Variants in SNX1 observed in about 807,000 individuals in gnomAD.
SNX1 encodes the protein sorting nexin 1.
A neutral mutation model predicts 71.8 loss-of-function variants in SNX1; 36 were observed. The observed-to-expected ratio is 0.50, with a 90% CI of 0.38 to 0.66. The LOEUF (loss-of-function observed/expected upper bound fraction) is 0.66. SNX1 is among the 30% of genes least tolerant of loss of function. The pLI is 0.00. For synonymous variants in SNX1, 254 were observed against 240.7 expected, an observed-to-expected ratio of 1.06 and a Z score of -0.51; for missense variants, 612 against 646.7, an observed-to-expected ratio of 0.95 and a Z score of 0.58.
chr15:64,131,020 C>G (rs2081301226), intron 10 of SNX1, among the ~76,000 whole-genome samples: 1 of 152,192 alleles, frequency 6.6e-6, no homozygotes, highest in Non-Finnish European at 1.5e-5. Flanking sequence ...CGCGGTGGCT[C>G]ACGCCTGTAA....
At chr15:64,135,665 A>G (rs558964251) in intron 12 of SNX1, among the ~76,000 whole-genome samples, 13 of 151,334 alleles carry the variant, frequency 8.6e-5, no homozygotes, top group Non-Finnish European at 1.5e-4. Context: ...AGGCTGAGGC[A>G]GGAGAATCGC....
At chr15:64,120,296 G>A (rs71394541) in intron 4 of SNX1, among the ~76,000 whole-genome samples, 5,779 of 136,166 alleles carry the variant, frequency 0.042, 128 homozygotes, top group Non-Finnish European at 0.053. Context: ...TTTTGAGACG[G>A]GGTCTCACTC....
chr15:64,138,504 G>A lies in SNX1; in HGVS notation c.*886G>A, dbSNP rs1350590594. ...CATCCTCAGTAGACTGTGTGAAGGT[G>A]TGAAGGTCTGATAATGACTTGATGC... On this transcript the variant is annotated 3_prime_UTR_variant, in exon 15 of 15. Coordinates refer to ENST00000559844, the MANE Select transcript of SNX1 (RefSeq NM_003099.5). The A allele has an allele frequency of 4.1e-6, 1 of 246,542 alleles. No homozygotes were observed. The highest frequency in any genetic ancestry group is 7.8e-6 in the Non-Finnish European group (1 of 128,880). The allele number at this position is 246,542 out of a possible 1,614,324, so 15.3% of individuals were successfully genotyped here.
chr15:64,130,389 G>A (rs966141684), intron 10 of SNX1, 68 bp downstream of exon 10: 20 of 1,260,290 alleles, frequency 1.6e-5, no homozygotes, highest in South Asian at 4.8e-5. Context: ...GAGATGCGAG[G>A]GCATGCTGTT....
At chr15:64,108,447 A>C (rs2081044728) in intron 1 of SNX1, among the ~76,000 whole-genome samples, 3 of 152,190 alleles carry the variant, frequency 2.0e-5, no homozygotes, top group Non-Finnish European at 4.4e-5. Context: ...ACGTGCTATT[A>C]TTATGGACTC....
At chr15:64,109,240 G>T (rs1454580607) in intron 1 of SNX1, among the ~76,000 whole-genome samples, 5 of 151,862 alleles carry the variant, frequency 3.3e-5, no homozygotes, top group African/African-American at 1.2e-4. Context: ...GGGTGTGGTG[G>T]CACGCGCCTG....
In SNX1 at chr15:64,131,782, G is replaced by A. The variant is rs1261712905; in HGVS notation, c.1111G>A (p.Ala371Thr). The A allele has an allele frequency of 1.2e-6, 2 of 1,614,088 alleles. No individual in the cohort carries two copies. Among genetic ancestry groups the A allele is most frequent in the African/African-American group, 1.3e-5 (1 of 74,926 alleles). Residue 371 changes from alanine (A) to threonine (T), a missense_variant, in exon 11 of 15, where the codon GCT (alanine) becomes ACT (threonine). By Grantham distance (58) the Ala-to-Thr change is moderately conservative (BLOSUM62 0). Coordinates refer to ENST00000559844, the MANE Select transcript of SNX1 (RefSeq NM_003099.5). ...TALSRALSQL[A>T]EVEEKIEQLH... Reference sequence around the variant, plus strand: ...ATTGTCACGGGCACTCTCCCAGCTGGCTGAGGTGGAAGAAAAAATTGAGCA... The same window carrying A: ...ATTGTCACGGGCACTCTCCCAGCTGACTGAGGTGGAAGAAAAAATTGAGCA...
chr15:64,096,254 G>A (rs1254400072), intron 1 of SNX1, 82 bp downstream of exon 1: 3 of 1,478,118 alleles, frequency 2.0e-6, no homozygotes, highest in South Asian at 2.5e-5. Flanking sequence ...GGGAGGTTGG[G>A]CAGAGTGGGC....
At chr15:64,137,008 C>A (rs1406902313) in intron 14 of SNX1, 76 bp downstream of exon 14, 10 of 1,163,712 alleles carry the variant, frequency 8.6e-6, no homozygotes, top group Non-Finnish European at 1.3e-5. Context: ...GCTTCTGCAA[C>A]AAGATGTGCA....
Position 64,108,053 on chromosome 15 carries a change from C to T in SNX1, c.160-4520C>T, listed in dbSNP as rs139482380. Among the ~76,000 whole-genome samples the T allele has an allele frequency of 4.1e-3, 625 of 151,938 alleles. 2 individuals are homozygous for T. The highest frequency in any genetic ancestry group is 0.015 in the African/African-American group (616 of 41,436). On this transcript the variant is annotated intron_variant, in intron 1 of 14. Transcript: ENST00000559844. ...CTAAAAATACAAAAAATTAGCCCGG[C>T]GTAGTGGTGGGCGCCTGTAGTCCCA...
At position 64,129,336 on chromosome 15, in the gene SNX1, T is replaced by A. The variant is rs1034665062; in HGVS notation, c.808-580T>A. 1.3e-5 allele frequency among the ~76,000 whole-genome samples: 2 copies of A among 152,218 alleles called. No individual in the cohort carries two copies. The highest frequency in any genetic ancestry group is 4.8e-5 in the African/African-American group (2 of 41,460). On this transcript the variant is annotated intron_variant, in intron 8 of 14. Transcript: ENST00000559844. The surrounding 1 kb of genome is among the most constrained non-coding windows in gnomAD (Gnocchi z 4.4). ...GTGTGCTGTATATGCTATAGATTTT[T>A]CAGCGTCCTTTCCATGCCCTAGGAG...
At chr15:64,124,258 G>A (rs982983203) in intron 5 of SNX1, among the ~76,000 whole-genome samples, 4 of 149,526 alleles carry the variant, frequency 2.7e-5, no homozygotes, top group South Asian at 2.2e-4. Flanking sequence ...TGTAATTCCA[G>A]CACTTTGGGA....
chr15:64,100,604 C>CAAAAAAA (rs34663775), intron 1 of SNX1, among the ~76,000 whole-genome samples: 15 of 102,552 alleles, frequency 1.5e-4, no homozygotes, highest in African/African-American at 3.6e-4. Context: ...AACTCCATCT[C>CAAAAAAA]AAAAAAAAAA....
rs1032844863 is a variant in SNX1 at position 64,139,219 on chromosome 15, A to G, written c.*1601A>G. On this transcript the variant is annotated 3_prime_UTR_variant, in exon 15 of 15. Coordinates refer to ENST00000559844, the MANE Select transcript of SNX1 (RefSeq NM_003099.5). ...TATCATTCAACATTGTACATGTTAT[A>G]AGCATTTTACTATATTGTTATATAT... 2.6e-5 allele frequency: 4 copies of G among 151,434 alleles called. No homozygotes were observed. The highest frequency in any genetic ancestry group is 9.7e-5 in the African/African-American group (4 of 41,118). 9.4% of individuals were successfully genotyped at this position (151,434 alleles called of 1,614,324 possible).
At chr15:64,102,388 G>T (rs556403959) in intron 1 of SNX1, among the ~76,000 whole-genome samples, 2 of 152,118 alleles carry the variant, frequency 1.3e-5, no homozygotes, top group African/African-American at 2.4e-5. Context: ...TTATCTTTTT[G>T]TTGAGAACAT....
rs1319084096 is a variant in SNX1, at chr15:64,134,325, G to C, written c.1222-339G>C. On this transcript the variant is annotated intron_variant, in intron 11 of 14. Coordinates refer to ENST00000559844, the MANE Select transcript of SNX1 (RefSeq NM_003099.5). This position sits in a 1 kb window ranked among gnomAD's most constrained non-coding sequence, Gnocchi z 4.1. The stretch of plus-strand genomic sequence containing the variant: ...TCCTGGCACATGGCAGGCACTCAGG[G>C]AAAGTATGTAGCCTTATGAACTGAC... 2 of 207,840 alleles carry C rather than the reference G, an allele frequency of 9.6e-6. No homozygotes were observed. Among genetic ancestry groups the C allele is most frequent in the Admixed American group, 5.9e-5 (1 of 17,056 alleles). The allele number at this position is 207,840 out of a possible 1,614,324, so 12.9% of individuals were successfully genotyped here.
At chr15:64,100,510 G>C (rs1417824073) in intron 1 of SNX1, among the ~76,000 whole-genome samples, 1 of 147,402 alleles carries the variant, frequency 6.8e-6, no homozygotes, top group Admixed American at 6.9e-5. Flanking sequence ...TGAGGCAAGA[G>C]AATCACTTGG....
At chr15:64,114,367 G>A (rs2081107953) in intron 2 of SNX1, among the ~76,000 whole-genome samples, 1 of 152,196 alleles carries the variant, frequency 6.6e-6, no homozygotes. Context: ...TCAAAAAAAA[G>A]TGGGGATTGA....
intron 1 of SNX1, among the ~76,000 whole-genome samples, chr15:64,097,673 T>C (rs1267964154): frequency 6.6e-6 from 1 of 152,184 alleles, no homozygotes; most frequent in Non-Finnish European, 1.5e-5. Context: ...AGTAGAGATG[T>C]TTTGGGCTAT....
Sources: allele counts gnomAD v4.1 joint callset (sites outside exome capture counted in the v4.1 genomes callset), GRCh38; gene constraint gnomAD v4.1.1; non-coding constraint Gnocchi (gnomAD v3.1); transcripts MANE v1.5; gene names NCBI Gene and HGNC (gene_info 2026-07-23, HGNC 2026-07-21).